Variants in RIMS1 observed in about 807,000 individuals in gnomAD.
RIMS1 encodes the protein regulating synaptic membrane exocytosis 1, also known as regulating synaptic membrane exocytosis protein 1.
Under a neutral mutation model 214.1 loss-of-function variants are expected in RIMS1, and 83 were observed. The observed-to-expected ratio is 0.39, with a 90% CI of 0.32 to 0.47. RIMS1 has a LOEUF of 0.47. RIMS1 is among the 20% of genes least tolerant of loss of function. RIMS1 has a pLI of 0.99. For missense variants in RIMS1, 2,050 were observed against 2,161.8 expected (o/e 0.95, Z 1.03); for synonymous variants, 793 against 786.8 (o/e 1.01, Z -0.13).
chr6:71,955,165 T>C (rs768174841), intron 1 of RIMS1, among the ~76,000 whole-genome samples: 2 of 152,072 alleles, frequency 1.3e-5, no homozygotes, highest in Non-Finnish European at 2.9e-5. Context: ...ATGAATATTC[T>C]ATGGACATTT....
intron 2 of RIMS1, among the ~76,000 whole-genome samples, chr6:72,040,134 C>T (rs1000618211): frequency 6.6e-6 from 1 of 152,012 alleles, no homozygotes; most frequent in Non-Finnish European, 1.5e-5. Context: ...ATAGAAGGTA[C>T]TTAGTACCTA....
chr6:72,088,539 T>C (rs1020513408), intron 2 of RIMS1, among the ~76,000 whole-genome samples: 2 of 152,142 alleles, frequency 1.3e-5, no homozygotes, highest in Admixed American at 6.6e-5. Flanking sequence ...ATTGCAGACG[T>C]GAGCCACTGT....
chr6:71,888,854 A>T (rs1422032417), intron 1 of RIMS1, among the ~76,000 whole-genome samples: 1 of 152,196 alleles, frequency 6.6e-6, no homozygotes, highest in Non-Finnish European at 1.5e-5. Context: ...GGCTTGAGGG[A>T]GGCAGAACCC....
intron 4 of RIMS1, among the ~76,000 whole-genome samples, chr6:72,152,835 TA>T (rs2043848352): frequency 3.4e-5 from 2 of 58,004 alleles, no homozygotes; most frequent in Non-Finnish European, 3.0e-5. Flanking sequence ...TATGTATATA[TA>T]TGTATATATG....
At chr6:72,183,279 C>T (rs1320162842) in intron 6 of RIMS1, 130 bp downstream of exon 6, 6 of 797,176 alleles carry the variant, frequency 7.5e-6, no homozygotes, top group Non-Finnish European at 9.7e-6. Context: ...ATAGCGTTAC[C>T]GCCAGTGGAA....
chr6:72,369,858 G>C (rs1214242773), intron 29 of RIMS1, among the ~76,000 whole-genome samples: 1 of 152,194 alleles, frequency 6.6e-6, no homozygotes, highest in Non-Finnish European at 1.5e-5. Context: ...ATTATGATTT[G>C]CAACTCATGA....
chr6:71,904,043 T>C (rs952135068), intron 1 of RIMS1, among the ~76,000 whole-genome samples: 1 of 152,116 alleles, frequency 6.6e-6, no homozygotes, highest in Admixed American at 6.6e-5. Flanking sequence ...TCCTTTCACC[T>C]GGGATGACCT....
At chr6:71,964,006 G>A (rs779222472) in intron 1 of RIMS1, among the ~76,000 whole-genome samples, 19 of 152,124 alleles carry the variant, frequency 1.2e-4, no homozygotes, top group Admixed American at 8.5e-4. Context: ...TGAGTAGTTC[G>A]TATTTCAGCA....
At chr6:71,928,461 T>C (rs978478689) in intron 1 of RIMS1, among the ~76,000 whole-genome samples, 9 of 152,144 alleles carry the variant, frequency 5.9e-5, no homozygotes, top group Non-Finnish European at 8.8e-5. Flanking sequence ...TTTGAATTTA[T>C]TTTTTCCATC....
chr6:72,168,958 T>G (rs2463737), intron 4 of RIMS1, among the ~76,000 whole-genome samples: 148,812 of 152,174 alleles, frequency 0.98, 72,840 homozygotes, highest in South Asian at 1. Flanking sequence ...GCAGATGGTG[T>G]TACTGTTAAC....
At chr6:72,166,066 A>G (rs2046214275) in intron 4 of RIMS1, among the ~76,000 whole-genome samples, 1 of 152,226 alleles carries the variant, frequency 6.6e-6, no homozygotes, top group Non-Finnish European at 1.5e-5. Context: ...GAGACTGAGA[A>G]GTCCAATAAC....
At chr6:72,227,807 A>G (rs548012393) in intron 6 of RIMS1, among the ~76,000 whole-genome samples, 1 of 152,100 alleles carries the variant, frequency 6.6e-6, no homozygotes, top group African/African-American at 2.4e-5. Context: ...TTAATAAATA[A>G]TAATTGATGC....
At chr6:71,948,268 G>T (rs980446009) in intron 1 of RIMS1, among the ~76,000 whole-genome samples, 8 of 152,042 alleles carry the variant, frequency 5.3e-5, no homozygotes, top group African/African-American at 1.7e-4. Context: ...AGATATTTTT[G>T]GTTTTCTTTC....
intron 4 of RIMS1, among the ~76,000 whole-genome samples, chr6:72,116,658 C>T (rs1403985451): frequency 1.3e-5 from 2 of 152,012 alleles, no homozygotes; most frequent in Non-Finnish European, 2.9e-5. Flanking sequence ...GTTACAACTA[C>T]TCACATTTGT....
chr6:71,925,831 AC>A, intron 1 of RIMS1, among the ~76,000 whole-genome samples: 1 of 152,210 alleles, frequency 6.6e-6, no homozygotes, highest in Non-Finnish European at 1.5e-5. Context: ...TCTTTGGACA[AC>A]CATGTTGTTG....
At chr6:72,233,105 C>T (rs2062645944) in intron 6 of RIMS1, among the ~76,000 whole-genome samples, 2 of 151,934 alleles carry the variant, frequency 1.3e-5, no homozygotes, top group South Asian at 4.1e-4. Flanking sequence ...CTGATACTTT[C>T]CATTGAAGTT....
chr6:72,314,815 A>G (rs1353193221), intron 28 of RIMS1, among the ~76,000 whole-genome samples: 4 of 152,182 alleles, frequency 2.6e-5, no homozygotes, highest in Non-Finnish European at 5.9e-5. Context: ...AATGTAATAA[A>G]TAGGATGTAA....
At chr6:71,892,796 G>T (rs548052985) in intron 1 of RIMS1, among the ~76,000 whole-genome samples, 1 of 152,124 alleles carries the variant, frequency 6.6e-6, no homozygotes, top group African/African-American at 2.4e-5. Context: ...GAATAAAGGC[G>T]AATCCTCTGC....
intron 28 of RIMS1, among the ~76,000 whole-genome samples, chr6:72,327,051 C>G (rs547126060): frequency 1.3e-5 from 2 of 151,620 alleles, no homozygotes; most frequent in Admixed American, 1.3e-4. Context: ...CCTAAAGCCT[C>G]CAGATGAAAC....
Sources: gnomAD v4.1 joint callset for allele counts (sites outside exome capture counted in the v4.1 genomes callset) on GRCh38, gnomAD v4.1.1 for gene constraint, MANE v1.5 for transcripts, NCBI Gene and HGNC (gene_info 2026-07-23, HGNC 2026-07-21) for gene names.